The following ADGRL2 variants were observed in gnomAD, a reference collection of about 807,000 sequenced individuals.
ADGRL2 encodes adhesion G protein-coupled receptor L2, also known as calcium-independent alpha-latrotoxin receptor 2.
A neutral mutation model predicts 157.4 loss-of-function variants in ADGRL2; 44 were observed. The observed-to-expected ratio is 0.28, with a 90% CI of 0.22 to 0.36. The LOEUF is 0.36. Ranked by LOEUF, ADGRL2 falls within the 10% of genes least tolerant of loss-of-function variation. ADGRL2 has a pLI of 1.00. For synonymous variants in ADGRL2, 585 were observed against 624.7 expected (o/e 0.94, Z 0.95); for missense variants, 1,510 against 1,768.9 (o/e 0.85, Z 2.63).
intron 1 of ADGRL2, among the ~76,000 whole-genome samples, chr1:81,425,738 G>C (rs1424229474): frequency 6.6e-6 from 1 of 152,132 alleles, no homozygotes; most frequent in Non-Finnish European, 1.5e-5. Context: ...TCACCTGTGG[G>C]CTCTAGAGCA....
At chr1:81,386,680 A>G (rs1557648290) in intron 1 of ADGRL2, among the ~76,000 whole-genome samples, 1 of 152,184 alleles carries the variant, frequency 6.6e-6, no homozygotes, top group Non-Finnish European at 1.5e-5. Context: ...GATGCAAACA[A>G]TTGGTGCTAA....
intron 1 of ADGRL2, among the ~76,000 whole-genome samples, chr1:81,378,421 C>T (rs1415769883): frequency 2.0e-5 from 3 of 151,746 alleles, no homozygotes; most frequent in Admixed American, 6.6e-5. Flanking sequence ...ATTAGCTGGG[C>T]GTGGCTTTGT....
intron 10 of ADGRL2, among the ~76,000 whole-genome samples, chr1:81,955,593 T>G (rs1167882184): frequency 6.6e-6 from 1 of 152,210 alleles, no homozygotes; most frequent in African/African-American, 2.4e-5. Flanking sequence ...GGTTGTCAAC[T>G]ATCAACAATT....
At chr1:81,770,855 A>T (rs1225855214) in intron 2 of ADGRL2, among the ~76,000 whole-genome samples, 2 of 152,162 alleles carry the variant, frequency 1.3e-5, no homozygotes, top group Non-Finnish European at 2.9e-5. Flanking sequence ...AAATATTTTT[A>T]AATTATATAT....
intron 3 of ADGRL2, among the ~76,000 whole-genome samples, chr1:81,606,205 AGACTT>A (rs1036678066): frequency 6.6e-6 from 1 of 152,176 alleles, no homozygotes; most frequent in Non-Finnish European, 1.5e-5. Context: ...TAGCATTCTG[AGACTT>A]GACTTTCAAA....
chr1:81,944,141 G>A (rs1259024563), intron 6 of ADGRL2, among the ~76,000 whole-genome samples: 2 of 152,132 alleles, frequency 1.3e-5, no homozygotes, highest in South Asian at 2.1e-4. Context: ...TAAAGGAAAC[G>A]TGTGTTAGGA....
At chr1:81,594,599 A>T (rs1385544559) in intron 3 of ADGRL2, among the ~76,000 whole-genome samples, 1 of 152,218 alleles carries the variant, frequency 6.6e-6, no homozygotes, top group Non-Finnish European at 1.5e-5. Context: ...TCCTATTTAA[A>T]ATCAGTGGCT....
chr1:81,786,403 C>T (rs902701123), intron 2 of ADGRL2, among the ~76,000 whole-genome samples: 2 of 152,104 alleles, frequency 1.3e-5, no homozygotes, highest in Admixed American at 1.3e-4. Flanking sequence ...CATGGTAAAA[C>T]CTTGTCTCTA....
Position 81,907,132 on chromosome 1 carries a change from C to A in ADGRL2, c.189C>A (p.Asn63Lys), listed in dbSNP as rs536408064. 6.2e-7 allele frequency: 1 copy of A among 1,614,046 alleles called. No homozygotes were observed. The highest frequency in any genetic ancestry group is 8.5e-7 in the Non-Finnish European group (1 of 1,179,974). ...GSDVIMIESA[N>K]YGRTDDKICD... ...ATGTCATCATGATTGAGAGCGCTAA[C>A]TATGGTCGGACGGATGACAAGATTT... The change falls in exon 3 of 24, where the codon AAC becomes AAA. Residue 63 changes from asparagine to lysine, a missense_variant. Asn to Lys is a moderately conservative substitution (Grantham distance 94). Coordinates refer to ENST00000686636, the MANE Select transcript of ADGRL2 (RefSeq NM_001366006.2).
intron 3 of ADGRL2, among the ~76,000 whole-genome samples, chr1:81,913,960 A>C (rs2148465716): frequency 6.6e-6 from 1 of 152,118 alleles, no homozygotes; most frequent in South Asian, 2.1e-4. Flanking sequence ...ATTTTATATA[A>C]AATATTTAAA....
intron 2 of ADGRL2, among the ~76,000 whole-genome samples, chr1:81,499,890 A>G (rs982766121): frequency 2.0e-5 from 3 of 152,292 alleles, no homozygotes; most frequent in Admixed American, 6.5e-5. Context: ...TTATATTTAT[A>G]TGTACATATG....
intron 1 of ADGRL2, among the ~76,000 whole-genome samples, chr1:81,376,166 T>C (rs1292804815): frequency 1.3e-5 from 2 of 152,130 alleles, no homozygotes; most frequent in Admixed American, 1.3e-4. Context: ...TTGAAAAAAA[T>C]CTTATTTGTT....
Position 81,991,086 on chromosome 1 carries a change from G to C in ADGRL2, c.4351G>C (p.Gly1451Arg). ...TTATATAATCCCCATTAACAAAGAA[G>C]GGTGTATTCCAGAAGGAGATGTTAG... is the stretch of plus-strand genomic sequence containing the variant. ...DGYIIPINKE[G>R]CIPEGDVREG... The change falls in exon 24 of 24, where the codon GGG (glycine) becomes CGG (arginine). Residue 1451 changes from glycine (G) to arginine (R), a missense_variant. Physicochemically the swap from Gly to Arg is moderately radical, Grantham distance 125. Transcript: ENST00000686636. 1 of 1,612,960 alleles carries C rather than the reference G, an allele frequency of 6.2e-7. No homozygotes were observed. The highest frequency in any genetic ancestry group is 8.5e-7 in the Non-Finnish European group (1 of 1,179,508).
rs190106406 is a variant in ADGRL2 at position 81,445,408 on chromosome 1, T to C, written c.-248+319T>C. Among the ~76,000 whole-genome samples, 94 of 152,062 alleles carry C rather than the reference T, an allele frequency of 6.2e-4. 1 individual carries two copies. Among genetic ancestry groups the C allele is most frequent in the African/African-American group, 2.2e-3 (90 of 41,514 alleles). On this transcript the variant is annotated intron_variant, in intron 2 of 24. Coordinates refer to the ADGRL2 transcript ENST00000370721. The stretch of plus-strand genomic sequence containing the variant: ...TTCTGCCTTGGAGTATTCTTGGACA[T>C]CACAAATCACATAGGCAAATAGAGA...
intron 2 of ADGRL2, among the ~76,000 whole-genome samples, chr1:81,792,502 T>C (rs552485560): frequency 2.0e-4 from 31 of 152,320 alleles, no homozygotes; most frequent in African/African-American, 7.2e-4. Context: ...AAATAATTCA[T>C]TCAAATAAAT....
At chr1:81,432,620 T>C (rs1177524470) in intron 1 of ADGRL2, among the ~76,000 whole-genome samples, 2 of 152,220 alleles carry the variant, frequency 1.3e-5, no homozygotes, top group East Asian at 1.9e-4. Flanking sequence ...TGATTGGGTC[T>C]ATGAATTAAG....
At chr1:81,959,942 A>G (rs1654793765) in intron 11 of ADGRL2, among the ~76,000 whole-genome samples, 1 of 151,892 alleles carries the variant, frequency 6.6e-6, no homozygotes, top group South Asian at 2.1e-4. Flanking sequence ...CTGGGATTAC[A>G]TGTGCTCACC....
chr1:81,903,523 C>A (rs1211363299), intron 2 of ADGRL2, among the ~76,000 whole-genome samples: 1 of 151,672 alleles, frequency 6.6e-6, no homozygotes, highest in Non-Finnish European at 1.5e-5. Flanking sequence ...CTATTTGATG[C>A]CTTAGTTTCA....
chr1:81,338,004 T>C (rs896870972), intron 1 of ADGRL2, among the ~76,000 whole-genome samples: 1 of 152,156 alleles, frequency 6.6e-6, no homozygotes, highest in African/African-American at 2.4e-5. Context: ...GTAATATATA[T>C]ATTTGTTTTA....
Sources: gnomAD v4.1 joint callset for allele counts (sites outside exome capture counted in the v4.1 genomes callset) on GRCh38, gnomAD v4.1.1 for gene constraint, MANE v1.5 for transcripts, NCBI Gene and HGNC (gene_info 2026-07-23, HGNC 2026-07-21) for gene names.